DCAF8L2: variants seen among roughly 807,000 people sequenced by gnomAD.
The protein encoded by DCAF8L2 is DDB1- and CUL4-associated factor 8-like protein 2.
For missense variants in DCAF8L2, 430 were observed against 490.7 expected (o/e 0.88, Z 1.17); for synonymous variants, 200 against 190.9 (o/e 1.05, Z -0.39).
the DCAF8L2 span, among the ~76,000 whole-genome samples, chrX:27,550,735 G>GGTAACTACTATTCTATTCTCTACTTCTA: frequency 9.2e-6 from 1 of 108,593 alleles, no homozygotes; most frequent in Non-Finnish European, 1.9e-5. Context: ...CTCTACTTCT[G>GGTAACTACTATTCTATTCTCTACTTCTA]TGAGATTAAC....
At chrX:27,476,374 G>A in the DCAF8L2 span, among the ~76,000 whole-genome samples, 1 of 111,407 alleles carries the variant, frequency 9.0e-6, no homozygotes, top group Non-Finnish European at 1.9e-5. Flanking sequence ...AATATATAAA[G>A]GTTTTAATTA....
At chrX:27,598,967 A>AT in intron 1 of DCAF8L2, among the ~76,000 whole-genome samples, 1 of 80,608 alleles carries the variant, frequency 1.2e-5, no homozygotes, top group African/African-American at 4.5e-5. Flanking sequence ...TCTCAAAAAA[A>AT]AAAAAAAATA....
chrX:27,733,328 G>A (rs187022601), intron 4 of DCAF8L2, among the ~76,000 whole-genome samples: 127 of 111,584 alleles, frequency 1.1e-3, no homozygotes, highest in African/African-American at 3.9e-3. Flanking sequence ...ATTTAGTTAC[G>A]TCTGGAAAAA....
the DCAF8L2 span, among the ~76,000 whole-genome samples, chrX:27,531,379 G>T: frequency 9.0e-6 from 1 of 111,282 alleles, no homozygotes; most frequent in Admixed American, 9.6e-5. Context: ...ACCCGCCTTG[G>T]GTCCTTCCTA....
At chrX:27,533,919 ACTGTAATCCCAGCACATGGTGGCTCAGGC>A in the DCAF8L2 span, among the ~76,000 whole-genome samples, 2 of 112,291 alleles carry the variant, frequency 1.8e-5, no homozygotes, top group Admixed American at 1.9e-4. Flanking sequence ...GTGGCTCAGC[ACTGTAATCCCAGCACATGGTGGCTCAGGC>A]CTGTAATCCC....
the DCAF8L2 span, among the ~76,000 whole-genome samples, chrX:27,478,541 A>T: frequency 8.9e-6 from 1 of 112,235 alleles, no homozygotes; most frequent in African/African-American, 3.2e-5. Flanking sequence ...GACTTCTCAA[A>T]AGTAAAATTG....
At chrX:27,718,513 A>G (rs1931777951) in intron 4 of DCAF8L2, among the ~76,000 whole-genome samples, 1 of 111,634 alleles carries the variant, frequency 9.0e-6, no homozygotes. Context: ...TTGGTCAAAC[A>G]TTATTCTGAG....
upstream of DCAF8L2, among the ~76,000 whole-genome samples, chrX:27,585,685 A>G (rs1925891322): frequency 8.9e-6 from 1 of 111,996 alleles, no homozygotes; most frequent in African/African-American, 3.2e-5. Context: ...TGCCAAATCT[A>G]GTAGATTTTA....
At chrX:27,558,849 G>A in the DCAF8L2 span, among the ~76,000 whole-genome samples, 2 of 103,957 alleles carry the variant, frequency 1.9e-5, no homozygotes, top group Non-Finnish European at 3.9e-5. Flanking sequence ...GCTTTCATCA[G>A]GCTGTGTTCC....
intron 3 of DCAF8L2, among the ~76,000 whole-genome samples, chrX:27,692,651 T>C (rs2147256553): frequency 8.9e-6 from 1 of 112,073 alleles, no homozygotes; most frequent in East Asian, 2.8e-4. Context: ...TTCATGACTC[T>C]AAGCAGTGAA....
chrX:27,742,992 C>A (rs937075874), intron 4 of DCAF8L2, among the ~76,000 whole-genome samples: 6 of 112,291 alleles, frequency 5.3e-5, no homozygotes, highest in Middle Eastern at 9.3e-3. Flanking sequence ...CTCCCTTCTA[C>A]CTTTTGGCTT....
chrX:27,542,629 G>A, the DCAF8L2 span, among the ~76,000 whole-genome samples: 3 of 82,560 alleles, frequency 3.6e-5, no homozygotes, highest in Non-Finnish European at 4.4e-5. Context: ...TGCAAGCTCC[G>A]CCTCCCGGGT....
intron 3 of DCAF8L2, among the ~76,000 whole-genome samples, chrX:27,698,630 CT>C (rs1160362879): frequency 2.7e-5 from 3 of 112,059 alleles, no homozygotes; most frequent in African/African-American, 9.7e-5. Flanking sequence ...CTACTTTAAA[CT>C]TTTTCTTAAA....
At chrX:27,744,759 A>G (rs897701097) in intron 4 of DCAF8L2, among the ~76,000 whole-genome samples, 4 of 110,842 alleles carry the variant, frequency 3.6e-5, no homozygotes, top group South Asian at 3.9e-4. Flanking sequence ...TAGTTCTCAC[A>G]AGATGTGATT....
At chrX:27,505,226 G>C in the DCAF8L2 span, among the ~76,000 whole-genome samples, 1 of 111,223 alleles carries the variant, frequency 9.0e-6, no homozygotes, top group African/African-American at 3.3e-5. Flanking sequence ...AAAACAACTG[G>C]TAAGTGGTGG....
chrX:27,668,278 C>T (rs1394325026), intron 2 of DCAF8L2, among the ~76,000 whole-genome samples: 1 of 111,977 alleles, frequency 8.9e-6, no homozygotes, highest in Non-Finnish European at 1.9e-5. Flanking sequence ...ATCCTGTACT[C>T]AGTGTGGTTT....
At chrX:27,700,612 C>G in intron 3 of DCAF8L2, among the ~76,000 whole-genome samples, 1 of 111,226 alleles carries the variant, frequency 9.0e-6, no homozygotes, top group Non-Finnish European at 1.9e-5. Context: ...GCATAGCGAT[C>G]ACTGCTTCTT....
chrX:27,570,317 T>C, the DCAF8L2 span, among the ~76,000 whole-genome samples: 7 of 111,167 alleles, frequency 6.3e-5, no homozygotes, highest in Non-Finnish European at 1.1e-4. Flanking sequence ...AACTTAAAAA[T>C]AGGATGTGAA....
At chrX:27,630,974 C>T in intron 1 of DCAF8L2, among the ~76,000 whole-genome samples, 1 of 111,402 alleles carries the variant, frequency 9.0e-6, no homozygotes, top group East Asian at 2.9e-4. Context: ...ATCCCAAACA[C>T]CACTCTTTCA....
Sources: allele counts gnomAD v4.1 joint callset (sites outside exome capture counted in the v4.1 genomes callset), GRCh38; gene constraint gnomAD v4.1.1; transcripts MANE v1.5; gene names NCBI Gene and HGNC (gene_info 2026-07-23, HGNC 2026-07-21).